COMMD1: variants seen among roughly 807,000 people sequenced by gnomAD.
The protein encoded by COMMD1 is copper metabolism domain containing 1, also known as COMM domain-containing protein 1.
Under a neutral mutation model 17.2 loss-of-function variants are expected in COMMD1, and 10 were observed. That is an observed-to-expected ratio of 0.58 (90% confidence interval 0.36 to 0.99). The LOEUF (loss-of-function observed/expected upper bound fraction) is 0.99. Among genes scored for constraint, COMMD1 ranks in the 50% least tolerant of loss-of-function variants. COMMD1 has a pLI of 0.01. For synonymous variants in COMMD1, 97 were observed against 91.6 expected (o/e 1.06, Z -0.34); for missense variants, 270 against 231.8 (o/e 1.17, Z -1.07).
intron 1 of COMMD1, among the ~76,000 whole-genome samples, chr2:61,959,616 A>G (rs758332675): frequency 6.6e-6 from 1 of 152,204 alleles, no homozygotes; most frequent in African/African-American, 2.4e-5. Flanking sequence ...TAAAAGCTCT[A>G]TTACTGAATT....
chr2:61,944,858 T>TGGGGAA (rs1400883201), intron 1 of COMMD1, among the ~76,000 whole-genome samples: 4 of 151,756 alleles, frequency 2.6e-5, no homozygotes, highest in Admixed American at 6.6e-5. Flanking sequence ...GCAGCAAAGA[T>TGGGGAA]GGGGAAGGGG....
intron 1 of COMMD1, among the ~76,000 whole-genome samples, chr2:61,992,461 G>A (rs1672275507): frequency 6.6e-6 from 1 of 152,172 alleles, no homozygotes; most frequent in African/African-American, 2.4e-5. Context: ...CCTGTGGGAT[G>A]TTCTTGGTCA....
intron 2 of COMMD1, among the ~76,000 whole-genome samples, chr2:62,016,530 C>T (rs532455286): frequency 3.6e-4 from 54 of 148,236 alleles, no homozygotes; most frequent in African/African-American, 1.2e-3. Flanking sequence ...TTTTTTCCTA[C>T]ACCAAACACC....
chr2:62,004,951 T>C (rs1669070167), intron 2 of COMMD1, among the ~76,000 whole-genome samples: 1 of 152,166 alleles, frequency 6.6e-6, no homozygotes, highest in Non-Finnish European at 1.5e-5. Context: ...AACTCTGGTG[T>C]GTGTGTTTAT....
At chr2:62,099,478 C>T (rs533520281) in intron 2 of COMMD1, among the ~76,000 whole-genome samples, 1 of 152,198 alleles carries the variant, frequency 6.6e-6, no homozygotes, top group South Asian at 2.1e-4. Flanking sequence ...AGTCAAGGCA[C>T]CATAATTATT....
chr2:61,889,220 T>TTTTC (rs1669352843), intron 1 of COMMD1, among the ~76,000 whole-genome samples: 1 of 137,814 alleles, frequency 7.3e-6, no homozygotes, highest in Non-Finnish European at 1.6e-5. Flanking sequence ...TTTTTTTTTT[T>TTTTC]TTTTTTGACA....
chr2:61,906,521 A>C (rs998719455), intron 1 of COMMD1, among the ~76,000 whole-genome samples: 1 of 152,260 alleles, frequency 6.6e-6, no homozygotes, highest in African/African-American at 2.4e-5. Context: ...CCAGTATTTT[A>C]CACTTAAAGC....
At chr2:62,015,461 T>C (rs1460285960) in intron 2 of COMMD1, among the ~76,000 whole-genome samples, 1 of 152,238 alleles carries the variant, frequency 6.6e-6, no homozygotes, top group African/African-American at 2.4e-5. Flanking sequence ...TTTTGGCTCT[T>C]GTGACTAATC....
At position 62,000,998 on chromosome 2, in the gene COMMD1, G is replaced by A. The variant is rs371716311; in HGVS notation, c.462+16G>A. ...ATATGGACAGGTGAGTTAAACTTAA[G>A]TCAATTTTCCTTTGTAAACTGTATT... On this transcript the variant is annotated intron_variant, in intron 2 of 2. Coordinates refer to ENST00000311832, the MANE Select transcript of COMMD1 (RefSeq NM_152516.4). 122 of 1,608,614 alleles carry A rather than the reference G, an allele frequency of 7.6e-5. No individual in the cohort carries two copies. In the African/African-American group the frequency reaches 1.5e-3, roughly 20 times the overall value.
At chr2:62,049,723 A>T (rs1363812016) in intron 2 of COMMD1, among the ~76,000 whole-genome samples, 1 of 152,132 alleles carries the variant, frequency 6.6e-6, no homozygotes, top group African/African-American at 2.4e-5. Context: ...TTATGGTTCT[A>T]GTGTTTCCTC....
At chr2:61,945,670 A>G (rs765670519) in intron 1 of COMMD1, among the ~76,000 whole-genome samples, 1 of 152,244 alleles carries the variant, frequency 6.6e-6, no homozygotes, top group Non-Finnish European at 1.5e-5. Context: ...GTCAGGGTAC[A>G]GCTTGCTTTT....
At chr2:62,027,743 G>A (rs1248869232) in intron 2 of COMMD1, among the ~76,000 whole-genome samples, 2 of 151,886 alleles carry the variant, frequency 1.3e-5, no homozygotes, top group Non-Finnish European at 2.9e-5. Flanking sequence ...GTACTATCTC[G>A]GCTCACTGCA....
intron 1 of COMMD1, among the ~76,000 whole-genome samples, chr2:61,972,655 A>C (rs1213769603): frequency 6.6e-6 from 1 of 152,108 alleles, no homozygotes; most frequent in African/African-American, 2.4e-5. Flanking sequence ...AAAACACATA[A>C]CCTTTGTCTA....
intron 2 of COMMD1, among the ~76,000 whole-genome samples, chr2:62,093,401 T>C (rs1671898790): frequency 6.6e-6 from 1 of 152,198 alleles, no homozygotes; most frequent in Admixed American, 6.5e-5. Flanking sequence ...GATACTATTT[T>C]TTCAGGGGCC....
At chr2:61,997,268 C>T (rs1246659764) in intron 1 of COMMD1, among the ~76,000 whole-genome samples, 1 of 151,944 alleles carries the variant, frequency 6.6e-6, no homozygotes, top group South Asian at 2.1e-4. Flanking sequence ...TGCCATGTTG[C>T]CCAGAATGGT....
intron 2 of COMMD1, chr2:62,118,928 C>G (rs925141796): frequency 3.3e-5 from 5 of 152,196 alleles, no homozygotes; most frequent in Non-Finnish European, 7.3e-5. Context: ...CAAACACTTA[C>G]CAGATGCTTG....
chr2:62,081,965 G>A (rs773167776), intron 2 of COMMD1, among the ~76,000 whole-genome samples: 14 of 152,016 alleles, frequency 9.2e-5, no homozygotes, highest in Non-Finnish European at 1.8e-4. Flanking sequence ...AACCTACTAG[G>A]AATTTGTACA....
At chr2:61,929,490 A>T (rs918582527) in intron 1 of COMMD1, among the ~76,000 whole-genome samples, 3 of 152,110 alleles carry the variant, frequency 2.0e-5, no homozygotes, top group Non-Finnish European at 4.4e-5. Flanking sequence ...CATTTCCCCT[A>T]GTTTATTACC....
upstream of COMMD1, among the ~76,000 whole-genome samples, chr2:61,900,732 A>G (rs1004360325): frequency 4.6e-5 from 7 of 152,154 alleles, no homozygotes; most frequent in Non-Finnish European, 7.4e-5. Context: ...TTTAGTTTAC[A>G]GTCAGGACCC....
Sources: gnomAD v4.1 joint callset for allele counts (sites outside exome capture counted in the v4.1 genomes callset) on GRCh38, gnomAD v4.1.1 for gene constraint, MANE v1.5 for transcripts, NCBI Gene and HGNC (gene_info 2026-07-23, HGNC 2026-07-21) for gene names.